Variants in RRM1 observed in about 807,000 individuals in gnomAD.
RRM1 encodes ribonucleotide reductase catalytic subunit M1, also known as ribonucleoside-diphosphate reductase large subunit.
Under a neutral mutation model 101.5 loss-of-function variants are expected in RRM1, and 19 were observed. The ratio of observed to expected loss-of-function variants is 0.19; its 90% CI spans 0.13 to 0.27. The LOEUF is 0.27. RRM1 is among the 10% of genes least tolerant of loss of function. The pLI, the probability that RRM1 is intolerant of heterozygous loss-of-function variation, is 1.00. For missense variants in RRM1, 500 were observed against 962.9 expected, an observed-to-expected ratio of 0.52 and a Z score of 6.36; for synonymous variants, 298 against 323.4, an observed-to-expected ratio of 0.92 and a Z score of 0.84.
chr11:4,102,531 G>A (rs11030942), intron 2 of RRM1, among the ~76,000 whole-genome samples: 5 of 151,836 alleles, frequency 3.3e-5, no homozygotes, highest in Non-Finnish European at 7.4e-5. Flanking sequence ...GGTGGTGGGC[G>A]CCTGTAATCC....
chr11:4,102,734 T>C (rs1425612741), intron 2 of RRM1, among the ~76,000 whole-genome samples: 1 of 152,182 alleles, frequency 6.6e-6, no homozygotes, highest in African/African-American at 2.4e-5. Context: ...TTAAAATTTG[T>C]TTTTTGTTAT....
rs1021425113 is a variant in RRM1 at position 4,095,183 on chromosome 11, C to G, written c.19+152C>G. The G allele has an allele frequency of 1.3e-4, 123 of 954,264 alleles. No individual in the cohort carries two copies. The East Asian group carries it at 1.3e-3, about 10-fold the overall frequency. 59.1% of individuals were successfully genotyped at this position (954,264 alleles called of 1,614,324 possible). A position where few individuals can be genotyped will look rare whatever the true frequency, so the allele number is the denominator to read the frequency against. On this transcript the variant is annotated intron_variant, in intron 1 of 18. Coordinates refer to ENST00000300738, the MANE Select transcript of RRM1 (RefSeq NM_001033.5). The stretch of plus-strand genomic sequence containing the variant: ...CTTCCGCCCTGTCAGCCCGCTCGGC[C>G]TTCTGTCTTCAGTCAGCCTGCCCCG...
At chr11:4,095,154 C>G in intron 1 of RRM1, 123 bp downstream of exon 1, 1 of 1,228,886 alleles carries the variant, frequency 8.1e-7, no homozygotes, top group Non-Finnish European at 1.2e-6. Context: ...TTTCCCGCCG[C>G]GGCCTTCCGC....
chr11:4,122,287 A>G (rs541442689), intron 11 of RRM1, 67 bp downstream of exon 11: 2 of 1,165,290 alleles, frequency 1.7e-6, no homozygotes, highest in South Asian at 1.3e-5. Context: ...CAGGGGTCCA[A>G]ATATCAAAAG....
At chr11:4,102,569 T>C (rs575865165) in intron 2 of RRM1, among the ~76,000 whole-genome samples, 50 of 151,826 alleles carry the variant, frequency 3.3e-4, no homozygotes, top group African/African-American at 1.1e-3. Flanking sequence ...GGAGAATCAC[T>C]TGAACCTGGG....
chr11:4,130,239 A>G (rs557002446), intron 15 of RRM1, among the ~76,000 whole-genome samples: 209 of 151,900 alleles, frequency 1.4e-3, no homozygotes, highest in Non-Finnish European at 2.5e-3. Context: ...GCCCTTCTTC[A>G]TACTTCTGCC....
chr11:4,113,008 A>G (rs2094567715), intron 7 of RRM1, among the ~76,000 whole-genome samples: 1 of 152,186 alleles, frequency 6.6e-6, no homozygotes, highest in African/African-American at 2.4e-5. Flanking sequence ...TGTCAAATTG[A>G]CAGAATATGG....
Position 4,129,095 on chromosome 11 carries a change from A to G in RRM1, c.1714A>G (p.Asn572Asp), listed in dbSNP as rs757270513. ...SKGILQYDMW[N>D]VTPTDLWDWK... ...TTAGATTCTTCAGTATGATATGTGG[A>G]ATGTTACTCCTACAGACCTATGGGA... Residue 572 changes from asparagine (N) to aspartate (D), a missense_variant, in exon 15 of 19, where the codon AAT becomes GAT. Asn to Asp is a conservative substitution (Grantham distance 23). Coordinates refer to ENST00000300738, the MANE Select transcript of RRM1 (RefSeq NM_001033.5). 1 of 1,598,340 alleles carries G rather than the reference A, an allele frequency of 6.3e-7. No individual in the cohort carries two copies. Among genetic ancestry groups the G allele is most frequent in the South Asian group, 1.1e-5 (1 of 89,436 alleles).
chr11:4,127,256 A>T lies in RRM1; in HGVS notation c.1692A>T (p.Gly564=). 6.4e-7 allele frequency: 1 copy of T among 1,574,486 alleles called. No homozygotes were observed. The highest frequency in any genetic ancestry group is 8.6e-7 in the Non-Finnish European group (1 of 1,164,922). ...ETYEGSPVSK[G]ILQYDMWNVT... The stretch of plus-strand genomic sequence containing the variant: ...ATGAGGGCTCTCCAGTTAGCAAAGG[A>T]GTAAGTATATGGATGGAATTGTTTT... The change falls in exon 14 of 19, where the codon GGA becomes GGT. Residue 564 remains glycine, a splice_region_variant and synonymous_variant. Coordinates refer to ENST00000300738, the MANE Select transcript of RRM1 (RefSeq NM_001033.5).
At chr11:4,130,086 A>AT (rs796657105) in intron 15 of RRM1, among the ~76,000 whole-genome samples, 2,356 of 99,492 alleles carry the variant, frequency 0.024, 92 homozygotes, top group Middle Eastern at 0.035. Flanking sequence ...ATATATATAT[A>AT]TTTTTTTTTT....
chr11:4,137,422 A>T (rs1325011840), intron 18 of RRM1: 3 of 146,516 alleles, frequency 2.0e-5, no homozygotes, highest in African/African-American at 8.1e-5. Context: ...TCCCTCCCGG[A>T]CGGGGCGGCT....
At chr11:4,111,774 T>C (rs1264351287) in intron 6 of RRM1, 126 bp from the exon 7 acceptor site, 15 of 1,188,496 alleles carry the variant, frequency 1.3e-5, no homozygotes, top group Middle Eastern at 2.8e-4. Context: ...TTGTGGATAA[T>C]TGTCCTGTTT....
chr11:4,116,384 G>A (rs2094573386), intron 7 of RRM1: 1 of 152,300 alleles, frequency 6.6e-6, no homozygotes, highest in Admixed American at 6.5e-5. Context: ...CTGAGGTCAG[G>A]AGTTCGAGAC....
At chr11:4,101,760 A>T (rs570977664) in intron 1 of RRM1, among the ~76,000 whole-genome samples, 2 of 152,288 alleles carry the variant, frequency 1.3e-5, no homozygotes, top group South Asian at 4.1e-4. Context: ...GATGGGGGAA[A>T]AATTTAGGAA....
chr11:4,107,829 A>G (rs1358570840), intron 4 of RRM1, among the ~76,000 whole-genome samples: 1 of 152,132 alleles, frequency 6.6e-6, no homozygotes, highest in African/African-American at 2.4e-5. Context: ...ACTTGTAAGT[A>G]TATCTTGTTT....
In RRM1 at chr11:4,129,074, A is replaced by C; in HGVS notation, c.1693A>C (p.Ile565Leu). Residue 565 changes from isoleucine (I) to leucine (L), a missense_variant and splice_region_variant, in exon 15 of 19, where the codon ATT (isoleucine) becomes CTT (leucine). Ile to Leu is a conservative substitution (Grantham distance 5, BLOSUM62 2). Transcript: ENST00000300738. ...TYEGSPVSKGILQYDMWNVTP... is the reference protein window; with the variant it reads ...TYEGSPVSKGLLQYDMWNVTP... ...TAAATTTGAGTTGTGTATTCCTTAG[A>C]TTCTTCAGTATGATATGTGGAATGT... 6.4e-7 allele frequency: 1 copy of C among 1,564,430 alleles called. No homozygotes were observed. Among genetic ancestry groups the C allele is most frequent in the Non-Finnish European group, 8.7e-7 (1 of 1,148,160 alleles).
intron 1 of RRM1, among the ~76,000 whole-genome samples, chr11:4,095,975 T>C (rs926647290): frequency 2.6e-5 from 4 of 152,238 alleles, no homozygotes; most frequent in African/African-American, 9.6e-5. Context: ...TAGTAAATAC[T>C]GGTTAATCGA....
At chr11:4,111,834 C>A in intron 6 of RRM1, 66 bp from the exon 7 acceptor site, 1 of 1,463,740 alleles carries the variant, frequency 6.8e-7, no homozygotes, top group Admixed American at 2.1e-5. Flanking sequence ...TTCTGAAATT[C>A]AAATACGTAT....
chr11:4,129,100 T>G lies in RRM1; in HGVS notation c.1719T>G (p.Val573=). ...TTCTTCAGTATGATATGTGGAATGT[T>G]ACTCCTACAGACCTATGGGACTGGA... ...KGILQYDMWN[V]TPTDLWDWKV... The change falls in exon 15 of 19, where the codon GTT becomes GTG. Residue 573 remains valine, a synonymous_variant. Transcript: ENST00000300738. 6.2e-7 allele frequency: 1 copy of G among 1,603,236 alleles called. No homozygotes were observed. Among genetic ancestry groups the G allele is most frequent in the Non-Finnish European group, 8.5e-7 (1 of 1,172,774 alleles).
Sources: gnomAD v4.1 joint callset for allele counts (sites outside exome capture counted in the v4.1 genomes callset) on GRCh38, gnomAD v4.1.1 for gene constraint, MANE v1.5 for transcripts, NCBI Gene and HGNC (gene_info 2026-07-23, HGNC 2026-07-21) for gene names.